RTF2: variants seen among roughly 807,000 people sequenced by gnomAD.
The protein encoded by RTF2 is UPF0549 protein C20orf43.
RTF2 carries 18 observed loss-of-function variants against 38.0 expected under a neutral mutation model. That is an observed-to-expected ratio of 0.47 (90% confidence interval 0.33 to 0.70). The LOEUF is 0.70. Ranked by LOEUF, RTF2 falls within the 30% of genes least tolerant of loss-of-function variation. The pLI is 0.02. For synonymous variants in RTF2, 126 were observed against 137.1 expected (o/e 0.92, Z 0.57); for missense variants, 311 against 379.6 (o/e 0.82, Z 1.50).
chr20:56,476,049 CA>C (rs974452453), intron 3 of RTF2, among the ~76,000 whole-genome samples: 1 of 152,128 alleles, frequency 6.6e-6, no homozygotes, highest in Admixed American at 6.5e-5. Context: ...GTATTGAAGT[CA>C]AAATGGTCTC....
At chr20:56,501,615 T>C (rs1600821316) in intron 5 of RTF2, among the ~76,000 whole-genome samples, 1 of 152,324 alleles carries the variant, frequency 6.6e-6, no homozygotes, top group East Asian at 1.9e-4. Context: ...ATTTTCCTTG[T>C]GTATTACTAG....
intron 5 of RTF2, among the ~76,000 whole-genome samples, chr20:56,512,372 C>G (rs1473220013): frequency 6.6e-6 from 1 of 152,136 alleles, no homozygotes; most frequent in Non-Finnish European, 1.5e-5. Flanking sequence ...GGGAAGAAAA[C>G]AACATAGACA....
intron 5 of RTF2, among the ~76,000 whole-genome samples, chr20:56,493,090 C>T (rs1465287359): frequency 2.0e-5 from 3 of 152,062 alleles, no homozygotes; most frequent in African/African-American, 7.2e-5. Context: ...GCAGGAGAAT[C>T]GCTTGAACCA....
chr20:56,507,070 G>A (rs1038704572), intron 5 of RTF2, among the ~76,000 whole-genome samples: 6 of 152,166 alleles, frequency 3.9e-5, no homozygotes, highest in Non-Finnish European at 8.8e-5. Flanking sequence ...AAAGGATGAA[G>A]ATACAGTTTT....
chr20:56,477,485 GC>G (rs1171794141), intron 4 of RTF2, among the ~76,000 whole-genome samples: 1 of 152,136 alleles, frequency 6.6e-6, no homozygotes, highest in Non-Finnish European at 1.5e-5. Context: ...TTCCTATCAA[GC>G]AAATCCCATT....
At chr20:56,477,581 C>G (rs1982320931) in intron 4 of RTF2, among the ~76,000 whole-genome samples, 1 of 151,928 alleles carries the variant, frequency 6.6e-6, no homozygotes, top group Non-Finnish European at 1.5e-5. Context: ...TAAGGTCTCA[C>G]TTTGTTGCCC....
At chr20:56,513,237 G>T (rs1419957244) in intron 5 of RTF2, 78 bp from the exon 6 acceptor site, 15 of 1,530,462 alleles carry the variant, frequency 9.8e-6, no homozygotes, top group Non-Finnish European at 1.3e-5. Context: ...ACTGCTTGGG[G>T]CTGAGAGTGG....
At chr20:56,472,053 C>G (rs1328840047) in intron 1 of RTF2, among the ~76,000 whole-genome samples, 1 of 152,080 alleles carries the variant, frequency 6.6e-6, no homozygotes, top group African/African-American at 2.4e-5. Context: ...AGGGAGACCT[C>G]TTAACAAAAA....
chr20:56,496,661 C>G, intron 5 of RTF2: 1 of 1,532,650 alleles, frequency 6.5e-7, no homozygotes, highest in Non-Finnish European at 8.8e-7. Flanking sequence ...TCAGGGTCAC[C>G]CAGTAGTGTT....
At chr20:56,484,501 C>G (rs909407658) in intron 5 of RTF2, among the ~76,000 whole-genome samples, 2 of 152,188 alleles carry the variant, frequency 1.3e-5, no homozygotes, top group South Asian at 4.1e-4. Flanking sequence ...TTACTTCTTC[C>G]GTGACTCCCT....
intron 5 of RTF2, among the ~76,000 whole-genome samples, chr20:56,507,430 G>A (rs1984351463): frequency 6.6e-6 from 1 of 152,132 alleles, no homozygotes; most frequent in African/African-American, 2.4e-5. Flanking sequence ...TGAGGGTGTG[G>A]GTTTGGTGTT....
intron 4 of RTF2, among the ~76,000 whole-genome samples, chr20:56,483,394 C>G (rs1982623588): frequency 6.6e-6 from 1 of 151,460 alleles, no homozygotes; most frequent in South Asian, 2.1e-4. Flanking sequence ...GTTACCTAGG[C>G]TGGAGTGCAG....
intron 3 of RTF2, 141 bp from the exon 4 acceptor site, chr20:56,476,844 C>A: frequency 1.3e-6 from 1 of 762,668 alleles, no homozygotes; most frequent in Non-Finnish European, 2.2e-6. Flanking sequence ...ATCCATGTTT[C>A]TTATGGACCA....
intron 2 of RTF2, 56 bp from the exon 3 acceptor site, chr20:56,474,621 TC>T (rs1982144272): frequency 9.1e-7 from 1 of 1,099,550 alleles, no homozygotes; most frequent in Non-Finnish European, 1.3e-6. Flanking sequence ...TATTCTTCCT[TC>T]TTTGGTTATT....
intron 4 of RTF2, 30 bp downstream of exon 4, chr20:56,477,154 G>C (rs767249762): frequency 6.2e-7 from 1 of 1,609,504 alleles, no homozygotes; most frequent in Non-Finnish European, 8.5e-7. Flanking sequence ...CAGATGATGT[G>C]GGAGGCTGGA....
At chr20:56,471,391 A>T (rs1981954792) in intron 1 of RTF2, among the ~76,000 whole-genome samples, 3 of 152,078 alleles carry the variant, frequency 2.0e-5, no homozygotes, top group African/African-American at 7.2e-5. Context: ...ACACAGTGAA[A>T]CCCTGTCTCC....
At chr20:56,500,713 T>G (rs1002945357) in intron 5 of RTF2, among the ~76,000 whole-genome samples, 2 of 152,214 alleles carry the variant, frequency 1.3e-5, no homozygotes, top group African/African-American at 4.8e-5. Context: ...AACTTCAGAA[T>G]GGATGCCTGC....
intron 6 of RTF2, chr20:56,515,593 GAGAGAGACACACACACAC>G (rs1480597851): frequency 1.5e-4 from 17 of 114,080 alleles, no homozygotes; most frequent in African/African-American, 1.8e-4. Context: ...GAGAGAGAGA[GAGAGAGACACACACACAC>G]ACACACACAC....
At chr20:56,483,066 G>A (rs537134789) in intron 4 of RTF2, among the ~76,000 whole-genome samples, 4 of 152,152 alleles carry the variant, frequency 2.6e-5, no homozygotes, top group South Asian at 4.2e-4. Context: ...TTTAATAGCC[G>A]TTTGGGTGTT....
Sources: allele counts gnomAD v4.1 joint callset (sites outside exome capture counted in the v4.1 genomes callset), GRCh38; gene constraint gnomAD v4.1.1; transcripts MANE v1.5; gene names NCBI Gene and HGNC (gene_info 2026-07-23, HGNC 2026-07-21).